BCAS3: variants seen among roughly 807,000 people sequenced by gnomAD.
The protein encoded by BCAS3 is BCAS3 microtubule associated cell migration factor, also known as BCAS4/BCAS3 fusion.
In BCAS3, 53 loss-of-function variants were observed where a neutral mutation model predicts 116.1. The ratio of observed to expected loss-of-function variants is 0.46; its 90% confidence interval spans 0.37 to 0.57. BCAS3 has a LOEUF of 0.57. Ranked by LOEUF, BCAS3 falls within the 20% of genes least tolerant of loss-of-function variation. The pLI, the probability that BCAS3 is intolerant of heterozygous loss-of-function variation, is 0.00. For synonymous variants in BCAS3, 391 were observed against 408.2 expected, an observed-to-expected ratio of 0.96 and a Z score of 0.51; for missense variants, 917 against 1,165.4, an observed-to-expected ratio of 0.79 and a Z score of 3.10.
intron 22 of BCAS3, among the ~76,000 whole-genome samples, chr17:61,099,233 G>A (rs1262858137): frequency 6.6e-6 from 1 of 152,182 alleles, no homozygotes; most frequent in African/African-American, 2.4e-5. Context: ...GACTGTTTGA[G>A]AACAAGGGCT....
Position 61,019,078 on chromosome 17 carries a change from T to G in BCAS3, c.1637+3177T>G, listed in dbSNP as rs2065694140. On this transcript the variant is annotated intron_variant, in intron 16 of 23. Coordinates refer to ENST00000407086, the MANE Select transcript of BCAS3 (RefSeq NM_017679.5). This position sits in a 1 kb window ranked among gnomAD's most constrained non-coding sequence, Gnocchi z 5.6. ...AGACTCAATATCTTTAAGCCAGAGG[T>G]CCCCAACCCCTGGGCCACAGACTGG... Among the ~76,000 whole-genome samples, 1 of 151,990 alleles carries G rather than the reference T, an allele frequency of 6.6e-6. No individual in the cohort carries two copies. The highest frequency in any genetic ancestry group is 6.6e-5 in the Admixed American group (1 of 15,254).
Position 60,962,170 on chromosome 17 carries a change from C to G in BCAS3, c.1221+14818C>G, listed in dbSNP as rs2061442321. ...TGGAAGTACAGATATCCCCTAGATG[C>G]ATTGATTTTCTTTCTTTTGGCTATA... On this transcript the variant is annotated intron_variant, in intron 14 of 23. Transcript: ENST00000407086. The surrounding 1 kb of genome is among the most constrained non-coding windows in gnomAD (Gnocchi z 4.4). Among the ~76,000 whole-genome samples, 1 of 152,136 alleles carries G rather than the reference C, an allele frequency of 6.6e-6. No individual in the cohort carries two copies. Among genetic ancestry groups the G allele is most frequent in the Non-Finnish European group, 1.5e-5 (1 of 68,008 alleles).
At chr17:60,707,705 TAAAA>T (rs71148311) in intron 4 of BCAS3, among the ~76,000 whole-genome samples, 122,538 of 151,990 alleles carry the variant, frequency 0.81, 55,365 homozygotes, top group Non-Finnish European at 0.99. Flanking sequence ...TTTTTAAAAA[TAAAA>T]TAACTATTGC....
At position 61,392,033 on chromosome 17, in the gene BCAS3, G is replaced by A. The variant is rs202157302; in HGVS notation, c.2650G>A (p.Gly884Ser). The A allele has an allele frequency of 1.3e-4, 214 of 1,613,686 alleles. No homozygotes were observed. The highest frequency in any genetic ancestry group is 1.4e-4 in the Non-Finnish European group (161 of 1,179,986). The change falls in exon 24 of 24, where the codon GGC (glycine) becomes AGC (serine). Residue 884 changes from glycine (G) to serine (S), a missense_variant. Gly to Ser is a moderately conservative substitution (Grantham distance 56). Coordinates refer to ENST00000407086, the MANE Select transcript of BCAS3 (RefSeq NM_017679.5). The surrounding 1 kb of genome is among the most constrained non-coding windows in gnomAD (Gnocchi z 6.4). ...GAGTAACAGCTCAGGCTCCACCAGC[G>A]GCAGCATACCAAGAAACTTTGATGG... ...TLSNSSGSTSGSIPRNFDGYR... is the reference protein window; with the variant it reads ...TLSNSSGSTSSSIPRNFDGYR...
rs1215536189 is a variant in BCAS3 at position 61,344,686 on chromosome 17, A to T, written c.2426-23641A>T. ...CGATTTAAGCTGCAGTTGAGGGATG[A>T]GCAAGGCGAAGATGTAAAGGCCCTG... On this transcript the variant is annotated intron_variant, in intron 22 of 23. Transcript: ENST00000407086. This position sits in a 1 kb window ranked among gnomAD's most constrained non-coding sequence, Gnocchi z 4.1. Among the ~76,000 whole-genome samples the T allele has an allele frequency of 1.3e-5, 2 of 152,130 alleles. No homozygotes were observed. The highest frequency in any genetic ancestry group is 4.8e-5 in the African/African-American group (2 of 41,428).
chr17:60,977,723 A>G (rs533755474), intron 14 of BCAS3, among the ~76,000 whole-genome samples: 6 of 150,500 alleles, frequency 4.0e-5, no homozygotes, highest in African/African-American at 7.4e-5. Flanking sequence ...TCATTGTTCA[A>G]TTCCCACCTA....
At chr17:60,856,432 T>A (rs1440181254) in intron 7 of BCAS3, among the ~76,000 whole-genome samples, 1 of 152,214 alleles carries the variant, frequency 6.6e-6, no homozygotes, top group Non-Finnish European at 1.5e-5. Context: ...CTCATGCCTG[T>A]ATTCCCAGCA....
At position 61,349,765 on chromosome 17, in the gene BCAS3, A is replaced by T. The variant is rs1244571077; in HGVS notation, c.2426-18562A>T. On this transcript the variant is annotated intron_variant, in intron 22 of 23. Transcript: ENST00000407086. The surrounding 1 kb of genome is among the most constrained non-coding windows in gnomAD (Gnocchi z 4.7). ...TATATTTAAGACCTAACACTGCTTCATGTCCCCAGCAGTGGAATTCTTGAA... is the reference window on the plus strand; with the variant it reads ...TATATTTAAGACCTAACACTGCTTCTTGTCCCCAGCAGTGGAATTCTTGAA... Among the ~76,000 whole-genome samples the T allele has an allele frequency of 6.6e-6, 1 of 152,376 alleles. No individual in the cohort carries two copies. Among genetic ancestry groups the T allele is most frequent in the South Asian group, 2.1e-4 (1 of 4,830 alleles).
chr17:60,873,217 C>G (rs1236286924), intron 8 of BCAS3, among the ~76,000 whole-genome samples: 1 of 151,524 alleles, frequency 6.6e-6, no homozygotes, highest in South Asian at 2.1e-4. Flanking sequence ...TAAGAAGCAA[C>G]CCAGTAAAAT....
chr17:60,713,396 G>A (rs1468061339), intron 5 of BCAS3, among the ~76,000 whole-genome samples: 1 of 152,142 alleles, frequency 6.6e-6, no homozygotes, highest in East Asian at 1.9e-4. Flanking sequence ...ATATATGCTA[G>A]ACAGTGGGGA....
intron 5 of BCAS3, chr17:60,727,455 T>C (rs2040000589): frequency 6.4e-7 from 1 of 1,563,978 alleles, no homozygotes; most frequent in Non-Finnish European, 8.7e-7. Flanking sequence ...TTACAGAAGG[T>C]TCTTCGGGTT....
chr17:60,714,925 G>T (rs1201082355), intron 5 of BCAS3, among the ~76,000 whole-genome samples: 6 of 152,002 alleles, frequency 3.9e-5, no homozygotes, highest in African/African-American at 1.4e-4. Flanking sequence ...TAGAATGATT[G>T]TTATGTGGGC....
intron 22 of BCAS3, among the ~76,000 whole-genome samples, chr17:61,254,511 G>T (rs981662556): frequency 6.6e-6 from 1 of 152,036 alleles, no homozygotes; most frequent in Non-Finnish European, 1.5e-5. Context: ...GGGCGCGGTG[G>T]CTCACGCCTG....
At chr17:61,052,912 T>A (rs1600804885) in intron 19 of BCAS3, among the ~76,000 whole-genome samples, 2 of 151,946 alleles carry the variant, frequency 1.3e-5, no homozygotes, top group East Asian at 3.9e-4. Flanking sequence ...GGGACAGGGT[T>A]TCACCATGTT....
Position 61,074,995 on chromosome 17 carries a change from A to G in BCAS3, c.2105A>G (p.Gln702Arg), listed in dbSNP as rs995882591. 6.2e-7 allele frequency: 1 copy of G among 1,612,920 alleles called. No individual in the cohort carries two copies. The highest frequency in any genetic ancestry group is 1.1e-5 in the South Asian group (1 of 90,936). The change falls in exon 20 of 24, where the codon CAG becomes CGG. Residue 702 changes from glutamine to arginine, a missense_variant. Coordinates refer to ENST00000407086, the MANE Select transcript of BCAS3 (RefSeq NM_017679.5). The stretch of plus-strand genomic sequence containing the variant: ...AGTTTAGCTTCTGACCATAGTGGAC[A>G]GGAAGATGAAGAATGGCTTTCCCAG... ...YDSLASDHSG[Q>R]EDEEWLSQVE... is the part of the protein sequence containing the mutation.
rs538072648 is a variant in BCAS3 at position 61,299,442 on chromosome 17, CAAAAAAA to C, written c.2426-68867_2426-68861del. On this transcript the variant is annotated intron_variant, in intron 22 of 23. Coordinates refer to ENST00000407086, the MANE Select transcript of BCAS3 (RefSeq NM_017679.5). ...TGGGTGACAGAGCGAGACTCCATCT[CAAAAAAA>C]AAAAAAAAAAAAAAAAAGAAAAGAA... Among the ~76,000 whole-genome samples, 41 of 57,166 alleles carry C rather than the reference CAAAAAAA, an allele frequency of 7.2e-4. No individual in the cohort carries two copies. The East Asian group carries it at 7.5e-3, about 10-fold the overall frequency. The allele number at this position is 57,166 out of a possible 152,430, so 37.5% of individuals were successfully genotyped here. A position where few individuals can be genotyped will look rare whatever the true frequency, so the allele number is the denominator to read the frequency against.
rs1351880219 is a variant in BCAS3, at chr17:61,020,037, G to A, written c.1637+4136G>A. On this transcript the variant is annotated intron_variant, in intron 16 of 23. Transcript: ENST00000407086. This position sits in a 1 kb window ranked among gnomAD's most constrained non-coding sequence, Gnocchi z 4.5. ...CTGATAATGTAGTTGGTAAAATTAT[G>A]TACTTAGGTTAGATAAGCTTCCACT... Among the ~76,000 whole-genome samples, 2 of 152,144 alleles carry A rather than the reference G, an allele frequency of 1.3e-5. No homozygotes were observed. The highest frequency in any genetic ancestry group is 2.4e-5 in the African/African-American group (1 of 41,434).
At chr17:61,260,598 C>G (rs1207058540) in intron 22 of BCAS3, among the ~76,000 whole-genome samples, 1 of 152,170 alleles carries the variant, frequency 6.6e-6, no homozygotes, top group Non-Finnish European at 1.5e-5. Context: ...TTTATTCTCT[C>G]CTGAAACTCA....
intron 7 of BCAS3, among the ~76,000 whole-genome samples, chr17:60,826,740 C>G (rs1244660270): frequency 6.6e-6 from 1 of 152,128 alleles, no homozygotes; most frequent in Non-Finnish European, 1.5e-5. Context: ...CTCATCTCTC[C>G]TGAGCTATTT....
Sources: allele counts gnomAD v4.1 joint callset (sites outside exome capture counted in the v4.1 genomes callset), GRCh38; gene constraint gnomAD v4.1.1; non-coding constraint Gnocchi (gnomAD v3.1); transcripts MANE v1.5; gene names NCBI Gene and HGNC (gene_info 2026-07-23, HGNC 2026-07-21).